EPM2A: variants seen among roughly 807,000 people sequenced by gnomAD.
EPM2A encodes the protein EPM2A glucan phosphatase, laforin, also known as laforin.
Under a neutral mutation model 26.5 loss-of-function variants are expected in EPM2A, and 21 were observed. The observed-to-expected ratio is 0.79, with a 90% CI of 0.56 to 1.14. The LOEUF is 1.14. EPM2A is among the 50% of genes most tolerant of loss of function. EPM2A has a pLI of 0.00. For synonymous variants in EPM2A, 217 were observed against 177.6 expected (o/e 1.22, Z -1.76); for missense variants, 458 against 440.8 (o/e 1.04, Z -0.35).
chr6:145,557,930 C>G (rs1780752302), intron 2 of EPM2A, among the ~76,000 whole-genome samples: 1 of 152,022 alleles, frequency 6.6e-6, no homozygotes, highest in Non-Finnish European at 1.5e-5. Context: ...AGGTTTTATT[C>G]CTTTGTTTTT....
At chr6:145,702,361 T>C (rs1194699732) in intron 1 of EPM2A, among the ~76,000 whole-genome samples, 1 of 152,166 alleles carries the variant, frequency 6.6e-6, no homozygotes, top group Admixed American at 6.5e-5. Context: ...GTTAAGTGCA[T>C]GGGCTCAAGA....
At chr6:145,415,174 G>A (rs10457776) in intron 4 of EPM2A, among the ~76,000 whole-genome samples, 18,157 of 152,190 alleles carry the variant, frequency 0.12, 1,130 homozygotes, top group South Asian at 0.24. Context: ...TTTGCCTTCA[G>A]AGAATTGTGC....
chr6:145,446,964 GAATT>G (rs1779135923), intron 4 of EPM2A, among the ~76,000 whole-genome samples: 1 of 152,020 alleles, frequency 6.6e-6, no homozygotes, highest in African/African-American at 2.4e-5. Flanking sequence ...GTTGGTAGGA[GAATT>G]AATTAGATAC....
Position 145,735,424 on chromosome 6 carries a change from C to G in EPM2A, c.75G>C (p.Ser25=), listed in dbSNP as rs1386842136. The part of the protein sequence containing the change: ...GARPELLVVG[S]RPELGRWEPR... ...GCTCCCAACGCCCCAGCTCGGGCCG[C>G]GACCCCACCACCAGCAGCTCCGGCC... Residue 25 remains serine (S), a synonymous_variant, in exon 1 of 4, where the codon TCG becomes TCC. Transcript: ENST00000367519. The G allele has an allele frequency of 7.2e-6, 9 of 1,255,838 alleles. No homozygotes were observed. Among genetic ancestry groups the G allele is most frequent in the Non-Finnish European group, 9.1e-6 (9 of 994,024 alleles). 77.8% of individuals were successfully genotyped at this position (1,255,838 alleles called of 1,614,324 possible).
chr6:145,644,279 C>G (rs1777297070), intron 2 of EPM2A, among the ~76,000 whole-genome samples: 1 of 152,118 alleles, frequency 6.6e-6, no homozygotes, highest in South Asian at 2.1e-4. Context: ...TTTAAAATCT[C>G]TTTTGCCTTT....
chr6:145,422,015 T>G (rs928377698), intron 4 of EPM2A, among the ~76,000 whole-genome samples: 3 of 146,778 alleles, frequency 2.0e-5, no homozygotes, highest in Non-Finnish European at 3.0e-5. Context: ...AGATTTTAAA[T>G]CACCTGTTAA....
intron 2 of EPM2A, among the ~76,000 whole-genome samples, chr6:145,564,388 T>C (rs1780851135): frequency 6.6e-6 from 1 of 152,168 alleles, no homozygotes. Flanking sequence ...ATTTATGAAT[T>C]AGGCAGCATT....
At chr6:145,510,017 G>A (rs368219312) in intron 2 of EPM2A, among the ~76,000 whole-genome samples, 4 of 152,004 alleles carry the variant, frequency 2.6e-5, no homozygotes, top group East Asian at 1.9e-4. Flanking sequence ...AAAGGGTTCC[G>A]TTCAACAAGA....
At chr6:145,572,020 A>C (rs1423646395) in intron 2 of EPM2A, among the ~76,000 whole-genome samples, 2 of 152,226 alleles carry the variant, frequency 1.3e-5, no homozygotes, top group Admixed American at 6.5e-5. Flanking sequence ...GCTTCTTCCA[A>C]GTCGCTGACC....
intron 2 of EPM2A, among the ~76,000 whole-genome samples, chr6:145,587,843 G>C (rs750948572): frequency 1.6e-4 from 25 of 152,080 alleles, no homozygotes; most frequent in Non-Finnish European, 3.2e-4. Context: ...ACCTTGAAAG[G>C]CATGCCATTT....
chr6:145,515,864 T>G (rs1436800513), intron 2 of EPM2A, among the ~76,000 whole-genome samples: 2 of 152,224 alleles, frequency 1.3e-5, no homozygotes, highest in Admixed American at 1.3e-4. Flanking sequence ...CATGCATTTG[T>G]ACAGTGTATT....
intron 2 of EPM2A, among the ~76,000 whole-genome samples, chr6:145,568,547 TC>T (rs1780914729): frequency 6.6e-6 from 1 of 152,112 alleles, no homozygotes; most frequent in African/African-American, 2.4e-5. Context: ...GGTCTCGAAC[TC>T]CCGACCTCAG....
chr6:145,561,772 T>G (rs1357071699), intron 2 of EPM2A, among the ~76,000 whole-genome samples: 1 of 152,188 alleles, frequency 6.6e-6, no homozygotes, highest in African/African-American at 2.4e-5. Context: ...AGACAGCGTT[T>G]CTCGTTTTTC....
At chr6:145,610,379 A>C (rs1775367966) in intron 2 of EPM2A, among the ~76,000 whole-genome samples, 1 of 152,238 alleles carries the variant, frequency 6.6e-6, no homozygotes, top group Admixed American at 6.5e-5. Flanking sequence ...AAAACTCCTA[A>C]CCATGAATCT....
intron 4 of EPM2A, among the ~76,000 whole-genome samples, chr6:145,399,583 G>A (rs1398310094): frequency 2.0e-5 from 3 of 152,220 alleles, no homozygotes; most frequent in South Asian, 4.1e-4. Flanking sequence ...GCTGAAAAGA[G>A]TGCAAAAAGT....
intron 3 of EPM2A, 162 bp from the exon 4 acceptor site, chr6:145,627,855 T>C: frequency 1.0e-6 from 1 of 978,190 alleles, no homozygotes. Flanking sequence ...AGTGAGACCA[T>C]TTTACAATCT....
intron 2 of EPM2A, among the ~76,000 whole-genome samples, chr6:145,532,860 C>A (rs186026658): frequency 1.3e-5 from 2 of 152,280 alleles, no homozygotes; most frequent in Non-Finnish European, 1.5e-5. Flanking sequence ...CTCGCGAACA[C>A]CTAGTCCAGC....
intron 2 of EPM2A, among the ~76,000 whole-genome samples, chr6:145,672,155 C>A (rs968959491): frequency 6.6e-6 from 1 of 152,030 alleles, no homozygotes; most frequent in Non-Finnish European, 1.5e-5. Context: ...TTACCTGGGC[C>A]AAAGAAACAT....
At chr6:145,422,198 A>G (rs1439305243) in intron 4 of EPM2A, among the ~76,000 whole-genome samples, 1 of 146,388 alleles carries the variant, frequency 6.8e-6, no homozygotes, top group Non-Finnish European at 1.5e-5. Context: ...ATATATAATT[A>G]TAGAAGTATA....
Sources: gnomAD v4.1 joint callset for allele counts (sites outside exome capture counted in the v4.1 genomes callset) on GRCh38, gnomAD v4.1.1 for gene constraint, MANE v1.5 for transcripts, NCBI Gene and HGNC (gene_info 2026-07-23, HGNC 2026-07-21) for gene names.